Variants in ROBO1 observed in about 807,000 individuals in gnomAD.
ROBO1 encodes roundabout guidance receptor 1.
ROBO1 carries 149 observed loss-of-function variants against 195.9 expected under a neutral mutation model. The observed-to-expected ratio is 0.76, with a 90% CI of 0.67 to 0.87. ROBO1 has a LOEUF of 0.87. Among genes scored for constraint, ROBO1 ranks in the 40% least tolerant of loss-of-function variants. ROBO1 has a pLI of 0.00. For synonymous variants in ROBO1, 816 were observed against 733.2 expected, an observed-to-expected ratio of 1.11 and a Z score of -1.82; for missense variants, 1,933 against 2,068.3, an observed-to-expected ratio of 0.93 and a Z score of 1.27.
intron 1 of ROBO1, among the ~76,000 whole-genome samples, chr3:79,666,437 G>A (rs144576916): frequency 6.6e-6 from 1 of 151,978 alleles, no homozygotes; most frequent in Admixed American, 6.6e-5. Flanking sequence ...TTACTGATAT[G>A]ATTTGGCTAT....
intron 2 of ROBO1, among the ~76,000 whole-genome samples, chr3:79,289,007 A>G (rs1184167015): frequency 6.6e-6 from 1 of 152,186 alleles, no homozygotes; most frequent in Non-Finnish European, 1.5e-5. Context: ...ATGTCTTTCA[A>G]TGAAATGCAA....
intron 1 of ROBO1, among the ~76,000 whole-genome samples, chr3:79,723,689 CAT>C (rs1702794570): frequency 1.3e-5 from 2 of 152,112 alleles, no homozygotes; most frequent in African/African-American, 4.8e-5. Context: ...TATTAAGAGT[CAT>C]ATGAATAAAA....
chr3:79,509,853 A>C (rs1372132305), intron 2 of ROBO1, among the ~76,000 whole-genome samples: 1 of 152,138 alleles, frequency 6.6e-6, no homozygotes, highest in Non-Finnish European at 1.5e-5. Flanking sequence ...TCTGCTTCTT[A>C]TTAATAATAA....
At chr3:79,249,591 A>T (rs1398216315) in intron 2 of ROBO1, among the ~76,000 whole-genome samples, 2 of 152,192 alleles carry the variant, frequency 1.3e-5, no homozygotes, top group Non-Finnish European at 2.9e-5. Flanking sequence ...CAACAGGGAA[A>T]ACTTAAACTC....
intron 4 of ROBO1, among the ~76,000 whole-genome samples, chr3:78,852,543 A>T (rs1425756907): frequency 6.6e-6 from 1 of 152,192 alleles, no homozygotes; most frequent in Admixed American, 6.6e-5. Context: ...GTAATTTTTC[A>T]TTAGAATCAT....
intron 3 of ROBO1, among the ~76,000 whole-genome samples, chr3:78,951,543 G>C (rs1203029270): frequency 6.6e-6 from 1 of 152,036 alleles, no homozygotes; most frequent in African/African-American, 2.4e-5. Flanking sequence ...CACACAGACT[G>C]ATGACGTGAG....
intron 3 of ROBO1, among the ~76,000 whole-genome samples, chr3:79,044,829 G>T (rs2078559666): frequency 6.6e-6 from 1 of 151,892 alleles, no homozygotes; most frequent in African/African-American, 2.4e-5. Flanking sequence ...GTTGTAATCA[G>T]ACCCAGCCTT....
chr3:79,616,169 G>C (rs1199875924), intron 1 of ROBO1, among the ~76,000 whole-genome samples: 2 of 152,114 alleles, frequency 1.3e-5, no homozygotes, highest in African/African-American at 2.4e-5. Flanking sequence ...AGCTTGTGCA[G>C]GTTCATTCAC....
chr3:79,230,527 T>TA (rs572720083), intron 2 of ROBO1, among the ~76,000 whole-genome samples: 1,700 of 147,918 alleles, frequency 0.011, 11 homozygotes, highest in Middle Eastern at 0.041. Flanking sequence ...AAGCAAAGAC[T>TA]AAAAAAAAAA....
At chr3:79,057,327 A>G (rs543140934) in intron 3 of ROBO1, among the ~76,000 whole-genome samples, 3 of 152,200 alleles carry the variant, frequency 2.0e-5, no homozygotes, top group African/African-American at 7.2e-5. Flanking sequence ...GAAAGAGGAT[A>G]TGTTTATGTT....
chr3:78,687,599 C>G (rs781175429), intron 9 of ROBO1, among the ~76,000 whole-genome samples: 1 of 152,144 alleles, frequency 6.6e-6, no homozygotes, highest in Non-Finnish European at 1.5e-5. Context: ...TTTATTTACA[C>G]ATATCAGAAA....
At chr3:79,385,952 G>T (rs1158439513) in intron 2 of ROBO1, among the ~76,000 whole-genome samples, 1 of 152,130 alleles carries the variant, frequency 6.6e-6, no homozygotes, top group South Asian at 2.1e-4. Context: ...GAAAAACATT[G>T]AACAGGGCCT....
intron 3 of ROBO1, among the ~76,000 whole-genome samples, chr3:78,960,620 A>T (rs2041284360): frequency 1.3e-5 from 2 of 151,956 alleles, no homozygotes; most frequent in African/African-American, 4.8e-5. Flanking sequence ...CGCTACTAAA[A>T]ATACAAAAAG....
At chr3:78,711,346 T>C (rs868272820) in intron 8 of ROBO1, among the ~76,000 whole-genome samples, 86 of 53,586 alleles carry the variant, frequency 1.6e-3, no homozygotes, top group African/African-American at 4.3e-3. Flanking sequence ...CTTCCTTCCT[T>C]CCTCCTTCCT....
intron 4 of ROBO1, among the ~76,000 whole-genome samples, chr3:78,913,699 T>G (rs1458463734): frequency 1.3e-5 from 2 of 152,060 alleles, no homozygotes; most frequent in Non-Finnish European, 2.9e-5. Flanking sequence ...TTTCAACTTG[T>G]GAAATGTTAG....
At chr3:78,874,666 G>T (rs1325871385) in intron 4 of ROBO1, among the ~76,000 whole-genome samples, 5 of 151,518 alleles carry the variant, frequency 3.3e-5, no homozygotes, top group African/African-American at 1.2e-4. Flanking sequence ...TTAAAAAATT[G>T]AACTAGAATT....
chr3:78,634,884 C>T (rs772196106), intron 23 of ROBO1, among the ~76,000 whole-genome samples: 1 of 152,122 alleles, frequency 6.6e-6, no homozygotes, highest in African/African-American at 2.4e-5. Context: ...TCATCTTCAA[C>T]TGTGATAAAT....
intron 1 of ROBO1, among the ~76,000 whole-genome samples, chr3:79,676,010 G>A (rs559768476): frequency 3.3e-5 from 5 of 152,056 alleles, no homozygotes; most frequent in East Asian, 2.0e-4. Context: ...CATATAAAAC[G>A]TAGTAACTTA....
chr3:79,607,500 G>A (rs1944525470), intron 1 of ROBO1, among the ~76,000 whole-genome samples: 4 of 151,258 alleles, frequency 2.6e-5, no homozygotes, highest in Admixed American at 2.6e-4. Flanking sequence ...ACATTAAAGA[G>A]TTTCCTAAGA....
Sources: allele counts gnomAD v4.1 joint callset (sites outside exome capture counted in the v4.1 genomes callset), GRCh38; gene constraint gnomAD v4.1.1; transcripts MANE v1.5; gene names NCBI Gene and HGNC (gene_info 2026-07-23, HGNC 2026-07-21).